CPXM2: variants seen among roughly 807,000 people sequenced by gnomAD.
CPXM2 encodes the protein inactive carboxypeptidase-like protein X2.
A neutral mutation model predicts 86.1 loss-of-function variants in CPXM2; 66 were observed. The observed-to-expected ratio is 0.77, with a 90% CI of 0.63 to 0.94. The LOEUF (loss-of-function observed/expected upper bound fraction) is 0.94, where lower values mean the gene tolerates loss of function less well. Ranked by LOEUF, CPXM2 falls within the 40% of genes least tolerant of loss-of-function variation. The pLI, the probability that CPXM2 is intolerant of heterozygous loss-of-function variation, is 0.00. For missense variants in CPXM2, 948 were observed against 1,026.3 expected (o/e 0.92, Z 1.04); for synonymous variants, 388 against 400.2 (o/e 0.97, Z 0.36).
At chr10:123,937,469 CAACACACACA>C (rs1945732280) in intron 2 of CPXM2, among the ~76,000 whole-genome samples, 1 of 77,360 alleles carries the variant, frequency 1.3e-5, no homozygotes. Flanking sequence ...GACAACAAAA[CAACACACACA>C]CACACACACA....
intron 2 of CPXM2, among the ~76,000 whole-genome samples, chr10:123,939,237 T>C (rs1010113314): frequency 1.3e-5 from 2 of 152,176 alleles, no homozygotes; most frequent in Non-Finnish European, 2.9e-5. Context: ...CAATGTTTTC[T>C]ACCTGGGCCT....
intron 6 of CPXM2, among the ~76,000 whole-genome samples, chr10:123,783,490 C>T (rs374002746): frequency 3.9e-5 from 6 of 152,166 alleles, no homozygotes; most frequent in South Asian, 2.1e-4. Context: ...CAAGCCAGGC[C>T]GATCAGATGA....
chr10:123,838,727 C>A (rs10902828), intron 4 of CPXM2, among the ~76,000 whole-genome samples: 19,580 of 152,142 alleles, frequency 0.13, 1,390 homozygotes, highest in East Asian at 0.33. Flanking sequence ...AACTCTAATT[C>A]CAACTCTGCC....
intron 4 of CPXM2, among the ~76,000 whole-genome samples, chr10:123,827,275 T>G (rs1184719680): frequency 1.3e-5 from 2 of 151,936 alleles, no homozygotes; most frequent in Non-Finnish European, 2.9e-5. Flanking sequence ...AATAGAAAAA[T>G]CAGAAGAAGC....
In CPXM2 at chr10:123,768,779, G is replaced by A. The variant is rs569785003; in HGVS notation, c.1103-57C>T. 680 of 1,478,982 alleles carry A rather than the reference G, an allele frequency of 4.6e-4. 2 individuals are homozygous for A. The highest frequency in any genetic ancestry group is 5.8e-4 in the Non-Finnish European group (626 of 1,075,300). 91.6% of individuals were successfully genotyped at this position (1,478,982 alleles called of 1,614,324 possible). On this transcript the variant is annotated intron_variant, in intron 8 of 13. Transcript: ENST00000241305. ...CACGTTGAAACACTTAGGGCCAAAC[G>A]GTGCTTGTCACATTGTGTTGGGGGG...
chr10:123,838,936 G>A (rs980348807), intron 4 of CPXM2, among the ~76,000 whole-genome samples: 1 of 152,170 alleles, frequency 6.6e-6, no homozygotes, highest in African/African-American at 2.4e-5. Flanking sequence ...GGGAGGACCA[G>A]GCAGGCGACT....
Position 123,768,670 on chromosome 10 carries a change from G to A in CPXM2, c.1155C>T (p.Gly385=). ...GCACCAGCAGCAGCAGCAGCTCCCGGCCCAGCACCTCATTGCCGTGGGCCC... is the reference window on the plus strand; with the variant it reads ...GCACCAGCAGCAGCAGCAGCTCCCGACCCAGCACCTCATTGCCGTGGGCCC... ...IAGAHGNEVL[G]RELLLLLVQF... The change falls in exon 9 of 14, where the codon GGC becomes GGT. Residue 385 remains glycine, a synonymous_variant. Transcript: ENST00000241305. 2.5e-6 allele frequency: 4 copies of A among 1,612,774 alleles called. No individual in the cohort carries two copies. The highest frequency in any genetic ancestry group is 3.4e-6 in the Non-Finnish European group (4 of 1,179,940).
At chr10:123,873,274 A>G (rs986770016) in intron 2 of CPXM2, among the ~76,000 whole-genome samples, 1 of 151,886 alleles carries the variant, frequency 6.6e-6, no homozygotes, top group Non-Finnish European at 1.5e-5. Context: ...ATTGAAATTA[A>G]AAGTATCACA....
chr10:123,847,462 G>T (rs1848517369), intron 3 of CPXM2, among the ~76,000 whole-genome samples: 2 of 152,122 alleles, frequency 1.3e-5, no homozygotes, highest in Non-Finnish European at 1.5e-5. Flanking sequence ...AGAGGCGGAG[G>T]TTGCAGTGAG....
chr10:123,801,704 A>G (rs906385431), intron 4 of CPXM2, among the ~76,000 whole-genome samples: 8 of 152,162 alleles, frequency 5.3e-5, no homozygotes, highest in African/African-American at 1.9e-4. Context: ...TAGTATTAAC[A>G]AAATCCCCAT....
intron 13 of CPXM2, among the ~76,000 whole-genome samples, chr10:123,753,177 A>C (rs2133971567): frequency 1.3e-5 from 2 of 151,726 alleles, no homozygotes; most frequent in Middle Eastern, 3.4e-3. Flanking sequence ...CGCAGTGATG[A>C]CCCCCGTGTA....
At chr10:123,863,870 C>G (rs1166691209) in intron 2 of CPXM2, among the ~76,000 whole-genome samples, 1 of 152,176 alleles carries the variant, frequency 6.6e-6, no homozygotes, top group Non-Finnish European at 1.5e-5. Flanking sequence ...GACAATGGGC[C>G]CCTGCTGTCG....
chr10:123,847,701 G>A (rs1486803699), intron 3 of CPXM2, among the ~76,000 whole-genome samples: 2 of 152,172 alleles, frequency 1.3e-5, no homozygotes, highest in South Asian at 4.1e-4. Flanking sequence ...ATTTTAAAAA[G>A]TAAAAGGAAA....
Position 123,754,756 on chromosome 10 carries a change from G to C in CPXM2, c.1924C>G (p.Arg642Gly), listed in dbSNP as rs780477883. Residue 642 changes from arginine (R) to glycine (G), a missense_variant, in exon 13 of 14, where the codon CGT becomes GGT. By Grantham distance (125) the Arg-to-Gly change is moderately radical. Transcript: ENST00000241305. The surrounding 1 kb of genome is among the most constrained non-coding windows in gnomAD (Gnocchi z 4.0). ...TCTCTCACCAAGCCTTTAATGCCAC[G>C]ATGAACCTGCTCAGCAAACATGAGA... Reference protein sequence around the residue: ...SLIVFMEQVHRGIKGLVRDSH... With the variant: ...SLIVFMEQVHGGIKGLVRDSH... 1 of 1,592,136 alleles carries C rather than the reference G, an allele frequency of 6.3e-7. No homozygotes were observed. The highest frequency in any genetic ancestry group is 8.6e-7 in the Non-Finnish European group (1 of 1,159,972).
At chr10:123,772,553 A>ATTG in intron 7 of CPXM2, among the ~76,000 whole-genome samples, 1 of 137,908 alleles carries the variant, frequency 7.3e-6, no homozygotes, top group East Asian at 2.3e-4. Flanking sequence ...CTCCCTGGTC[A>ATTG]TGGTTATCAC....
At chr10:123,924,253 C>CT (rs1367367454) in intron 2 of CPXM2, among the ~76,000 whole-genome samples, 3 of 152,210 alleles carry the variant, frequency 2.0e-5, no homozygotes, top group Non-Finnish European at 4.4e-5. Context: ...AGGGCTCAGT[C>CT]CCACAAGACT....
chr10:123,877,609 C>A (rs1258424783), intron 2 of CPXM2, among the ~76,000 whole-genome samples: 1 of 152,192 alleles, frequency 6.6e-6, no homozygotes, highest in Non-Finnish European at 1.5e-5. Context: ...CCTTCACCAT[C>A]TATTGGCCTA....
chr10:123,875,638 T>A (rs1219578951), intron 2 of CPXM2, among the ~76,000 whole-genome samples: 1 of 151,906 alleles, frequency 6.6e-6, no homozygotes, highest in East Asian at 1.9e-4. Context: ...CACACACAAA[T>A]ATACATTAAG....
Position 123,754,100 on chromosome 10 carries a change from C to T in CPXM2, c.2017+563G>A, listed in dbSNP as rs1014373152. ...CTTATCCTACCCTTCACATTACAGA[C>T]ACCTGAGTCTTCCTAAGACATCACG... On this transcript the variant is annotated intron_variant, in intron 13 of 13. Coordinates refer to ENST00000241305, the MANE Select transcript of CPXM2 (RefSeq NM_198148.3). This position sits in a 1 kb window ranked among gnomAD's most constrained non-coding sequence, Gnocchi z 4.0. Among the ~76,000 whole-genome samples the T allele has an allele frequency of 6.6e-6, 1 of 152,210 alleles. No individual in the cohort carries two copies. Among genetic ancestry groups the T allele is most frequent in the Non-Finnish European group, 1.5e-5 (1 of 68,040 alleles).
Sources: allele counts gnomAD v4.1 joint callset (sites outside exome capture counted in the v4.1 genomes callset), GRCh38; gene constraint gnomAD v4.1.1; non-coding constraint Gnocchi (gnomAD v3.1); transcripts MANE v1.5; gene names NCBI Gene and HGNC (gene_info 2026-07-23, HGNC 2026-07-21).